The following INPP4B variants were observed in gnomAD, a reference collection of about 807,000 sequenced individuals.
INPP4B encodes inositol polyphosphate-4-phosphatase type II B, also known as inositol polyphosphate 4-phosphatase type II.
In INPP4B, 55 loss-of-function variants were observed where a neutral mutation model predicts 122.5. That is an observed-to-expected ratio of 0.45 (90% CI 0.36 to 0.56). The LOEUF is 0.56. INPP4B is among the 20% of genes least tolerant of loss of function. The pLI, the probability that INPP4B is intolerant of heterozygous loss-of-function variation, is 0.00. For synonymous variants in INPP4B, 403 were observed against 388.7 expected (o/e 1.04, Z -0.43); for missense variants, 1,000 against 1,097.7 (o/e 0.91, Z 1.26).
intron 1 of INPP4B, among the ~76,000 whole-genome samples, chr4:142,780,674 C>CT (rs1250392330): frequency 2.0e-5 from 3 of 152,022 alleles, no homozygotes; most frequent in Non-Finnish European, 4.4e-5. Context: ...TGGTGGATAC[C>CT]TGTAATCCCA....
intron 2 of INPP4B, among the ~76,000 whole-genome samples, chr4:142,544,596 A>C (rs777418815): frequency 5.9e-5 from 9 of 152,172 alleles, no homozygotes; most frequent in Non-Finnish European, 1.3e-4. Context: ...ACACTCAAGA[A>C]AGAACAACCT....
intron 1 of INPP4B, among the ~76,000 whole-genome samples, chr4:142,729,488 C>A (rs1371747825): frequency 6.8e-6 from 1 of 147,078 alleles, no homozygotes; most frequent in East Asian, 2.0e-4. Context: ...AACCTTGGAT[C>A]CTGATGCCTC....
chr4:142,273,931 G>A (rs548813441), intron 9 of INPP4B, among the ~76,000 whole-genome samples: 9 of 151,916 alleles, frequency 5.9e-5, no homozygotes, highest in East Asian at 1.9e-4. Flanking sequence ...AAATGTAGAA[G>A]CCACTCTCTA....
chr4:142,415,498 A>G (rs902115822), intron 5 of INPP4B, among the ~76,000 whole-genome samples: 1 of 152,026 alleles, frequency 6.6e-6, no homozygotes, highest in African/African-American at 2.4e-5. Flanking sequence ...AAAAGTCAGG[A>G]AACAACAGGT....
At chr4:142,729,935 T>G (rs1047230987) in intron 1 of INPP4B, among the ~76,000 whole-genome samples, 1 of 150,990 alleles carries the variant, frequency 6.6e-6, no homozygotes, top group Non-Finnish European at 1.5e-5. Context: ...CACCTCATCT[T>G]TGGTCTTTGA....
intron 2 of INPP4B, among the ~76,000 whole-genome samples, chr4:142,657,625 G>C (rs1754401047): frequency 6.6e-6 from 1 of 152,186 alleles, no homozygotes; most frequent in South Asian, 2.1e-4. Flanking sequence ...TTAAAGAATT[G>C]TTTTGAGTTA....
intron 2 of INPP4B, among the ~76,000 whole-genome samples, chr4:142,684,857 G>T (rs1481431512): frequency 6.6e-6 from 1 of 151,820 alleles, no homozygotes; most frequent in Non-Finnish European, 1.5e-5. Flanking sequence ...AATTATAATT[G>T]GACAAAATTG....
At chr4:142,330,827 G>C (rs1407085959) in intron 7 of INPP4B, among the ~76,000 whole-genome samples, 2 of 152,086 alleles carry the variant, frequency 1.3e-5, no homozygotes, top group African/African-American at 4.8e-5. Flanking sequence ...GCTGCCTCGG[G>C]GCTTAAAGAA....
intron 7 of INPP4B, among the ~76,000 whole-genome samples, chr4:142,376,809 T>A (rs141246574): frequency 6.6e-6 from 1 of 152,050 alleles, no homozygotes; most frequent in African/African-American, 2.4e-5. Flanking sequence ...TTGAGCAAAT[T>A]ACTCAAATTC....
intron 23 of INPP4B, among the ~76,000 whole-genome samples, chr4:142,088,948 T>C (rs779089039): frequency 1.3e-5 from 2 of 152,166 alleles, no homozygotes; most frequent in Non-Finnish European, 2.9e-5. Flanking sequence ...AGGGAAGCAC[T>C]GGACAATTCT....
chr4:142,679,945 CTT>C (rs1348241959), intron 2 of INPP4B, among the ~76,000 whole-genome samples: 1 of 151,678 alleles, frequency 6.6e-6, no homozygotes, highest in African/African-American at 2.4e-5. Flanking sequence ...ACATTAGAGA[CTT>C]AAGCAATTAA....
intron 2 of INPP4B, among the ~76,000 whole-genome samples, chr4:142,580,244 T>C (rs1360904685): frequency 2.0e-5 from 3 of 151,848 alleles, no homozygotes; most frequent in Non-Finnish European, 4.4e-5. Context: ...CTAGTTGTGC[T>C]AGCTAAGATT....
intron 16 of INPP4B, among the ~76,000 whole-genome samples, chr4:142,168,402 G>T (rs1823927804): frequency 6.6e-6 from 1 of 151,294 alleles, no homozygotes; most frequent in Non-Finnish European, 1.5e-5. Context: ...TTACATTCTT[G>T]GCTGTCAGAT....
intron 7 of INPP4B, among the ~76,000 whole-genome samples, chr4:142,336,308 G>C (rs192077410): frequency 6.7e-4 from 102 of 152,294 alleles, no homozygotes; most frequent in African/African-American, 2.4e-3. Context: ...GAGGGGTAGT[G>C]GGGGAGAAAA....
At chr4:142,483,182 C>CT (rs5862604) in intron 2 of INPP4B, among the ~76,000 whole-genome samples, 666 of 48,310 alleles carry the variant, frequency 0.014, 149 homozygotes, top group African/African-American at 0.055. Flanking sequence ...TCAGGCTATG[C>CT]TTTTTTTTTT....
At chr4:142,792,990 A>G (rs926627309) in intron 1 of INPP4B, among the ~76,000 whole-genome samples, 5 of 152,030 alleles carry the variant, frequency 3.3e-5, no homozygotes, top group African/African-American at 9.7e-5. Flanking sequence ...CAGGAGGTAG[A>G]AGACCCAACA....
chr4:142,313,624 C>T (rs1766380473), intron 8 of INPP4B, among the ~76,000 whole-genome samples: 1 of 152,088 alleles, frequency 6.6e-6, no homozygotes, highest in Non-Finnish European at 1.5e-5. Context: ...TTTCTGGATG[C>T]ACTGGAGGAA....
intron 2 of INPP4B, among the ~76,000 whole-genome samples, chr4:142,631,350 T>C (rs1004975788): frequency 3.3e-5 from 5 of 152,150 alleles, no homozygotes; most frequent in Non-Finnish European, 7.4e-5. Flanking sequence ...TGCAGAACTA[T>C]TTGGTAACCC....
At chr4:142,062,907 C>A (rs1761776797) in intron 25 of INPP4B, among the ~76,000 whole-genome samples, 1 of 152,176 alleles carries the variant, frequency 6.6e-6, no homozygotes, top group South Asian at 2.1e-4. Flanking sequence ...GTATAGACCT[C>A]AGGTACATAT....
Sources: allele counts gnomAD v4.1 joint callset (sites outside exome capture counted in the v4.1 genomes callset), GRCh38; gene constraint gnomAD v4.1.1; transcripts MANE v1.5; gene names NCBI Gene and HGNC (gene_info 2026-07-23, HGNC 2026-07-21).